The following CADM2 variants were observed in gnomAD, a reference collection of about 807,000 sequenced individuals.
CADM2 encodes cell adhesion molecule 2, also known as immunoglobulin superfamily member 4D.
CADM2 carries 12 observed loss-of-function variants against 49.8 expected under a neutral mutation model. The observed-to-expected ratio is 0.24, with a 90% CI of 0.15 to 0.39. The LOEUF (loss-of-function observed/expected upper bound fraction) is 0.39. CADM2 is among the 10% of genes least tolerant of loss of function. CADM2 has a pLI of 1.00. For missense variants in CADM2, 378 were observed against 492.3 expected (o/e 0.77, Z 2.20); for synonymous variants, 214 against 175.4 (o/e 1.22, Z -1.74).
chr3:85,787,420 A>G (rs1288686821), intron 2 of CADM2, among the ~76,000 whole-genome samples: 2 of 152,116 alleles, frequency 1.3e-5, no homozygotes, highest in African/African-American at 2.4e-5. Context: ...ACAATGATTC[A>G]TCTTCAAGGT....
At chr3:85,129,250 A>G (rs1208945331) in intron 1 of CADM2, among the ~76,000 whole-genome samples, 1 of 152,190 alleles carries the variant, frequency 6.6e-6, no homozygotes, top group East Asian at 1.9e-4. Context: ...GTAAAGCCAA[A>G]GTAAAAGAAA....
At chr3:86,014,277 G>T (rs1731930066) in intron 8 of CADM2, 8 of 1,329,374 alleles carry the variant, frequency 6.0e-6, no homozygotes, top group Non-Finnish European at 8.2e-6. Context: ...TGATTTCATT[G>T]TTACTATTGT....
chr3:85,621,833 T>A (rs2063986436), intron 1 of CADM2, among the ~76,000 whole-genome samples: 1 of 152,178 alleles, frequency 6.6e-6, no homozygotes, highest in Non-Finnish European at 1.5e-5. Flanking sequence ...GTTGTCAGAC[T>A]GATGTGCAGT....
chr3:85,479,947 AAC>A (rs2039141011), intron 1 of CADM2, among the ~76,000 whole-genome samples: 1 of 151,890 alleles, frequency 6.6e-6, no homozygotes, highest in African/African-American at 2.4e-5. Flanking sequence ...TTTACCACGT[AAC>A]TTTCTGGTGG....
At chr3:85,149,316 C>T (rs1192301761) in intron 1 of CADM2, among the ~76,000 whole-genome samples, 1 of 152,002 alleles carries the variant, frequency 6.6e-6, no homozygotes, top group Non-Finnish European at 1.5e-5. Flanking sequence ...CCCCTCAAAC[C>T]TTAGACTTCC....
intron 6 of CADM2, among the ~76,000 whole-genome samples, chr3:85,922,088 ATCT>A (rs1392606195): frequency 1.3e-5 from 2 of 151,180 alleles, no homozygotes; most frequent in South Asian, 2.1e-4. Context: ...ATTCATCATC[ATCT>A]TCTTCTTCCT....
At chr3:85,746,862 T>C (rs576131704) in intron 2 of CADM2, among the ~76,000 whole-genome samples, 1 of 152,268 alleles carries the variant, frequency 6.6e-6, no homozygotes, top group African/African-American at 2.4e-5. Flanking sequence ...CCATCATGTC[T>C]TTTCAAATCT....
At chr3:85,159,953 T>G (rs1446981204) in intron 1 of CADM2, among the ~76,000 whole-genome samples, 6 of 152,200 alleles carry the variant, frequency 3.9e-5, no homozygotes, top group Non-Finnish European at 8.8e-5. Flanking sequence ...GCTGTATAAT[T>G]TGAAATTTTT....
chr3:85,671,141 T>C (rs911173990), intron 1 of CADM2, among the ~76,000 whole-genome samples: 6 of 152,210 alleles, frequency 3.9e-5, no homozygotes, highest in African/African-American at 1.2e-4. Flanking sequence ...GTTTCTCCTA[T>C]AAAAGGAAGA....
intron 2 of CADM2, among the ~76,000 whole-genome samples, chr3:85,783,275 C>A (rs1460017494): frequency 6.6e-6 from 1 of 152,142 alleles, no homozygotes; most frequent in Non-Finnish European, 1.5e-5. Context: ...AATGAAGTAG[C>A]AAATGCACAA....
chr3:86,042,406 G>C (rs190067421), intron 8 of CADM2, among the ~76,000 whole-genome samples: 1 of 152,094 alleles, frequency 6.6e-6, no homozygotes, highest in East Asian at 1.9e-4. Context: ...TATCACTACC[G>C]ATCCCACAGA....
Position 85,359,655 on chromosome 3 carries a change from TATATA to T in CADM2, c.62-366866_62-366862del, listed in dbSNP as rs1356593631. Among the ~76,000 whole-genome samples, 38 of 18,232 alleles carry T rather than the reference TATATA, an allele frequency of 2.1e-3. 2 individuals are homozygous for T. The highest frequency in any genetic ancestry group is 0.018 in the Admixed American group (30 of 1,628). 12.0% of individuals were successfully genotyped at this position (18,232 alleles called of 152,430 possible). A position where few individuals can be genotyped will look rare whatever the true frequency, so the allele number is the denominator to read the frequency against. On this transcript the variant is annotated intron_variant, in intron 1 of 9. Transcript: ENST00000383699. ...ATGTCAGCATATATATATATATATA[TATATA>T]TATATATTTTTTTTTTTGGTGGAGG...
intron 1 of CADM2, among the ~76,000 whole-genome samples, chr3:85,261,013 A>G (rs2043003351): frequency 6.6e-6 from 1 of 152,130 alleles, no homozygotes; most frequent in African/African-American, 2.4e-5. Flanking sequence ...ATTTTTGATG[A>G]AGAAAAATAT....
chr3:85,070,595 C>T (rs756930268), intron 1 of CADM2, among the ~76,000 whole-genome samples: 7 of 151,756 alleles, frequency 4.6e-5, no homozygotes, highest in Admixed American at 1.3e-4. Context: ...AGCTATAAAA[C>T]GAAAGAAAGT....
chr3:85,172,432 TA>T (rs2040652771), intron 1 of CADM2, among the ~76,000 whole-genome samples: 1 of 152,222 alleles, frequency 6.6e-6, no homozygotes, highest in African/African-American at 2.4e-5. Context: ...AAAAGCATTA[TA>T]AAAATTATTA....
At chr3:85,376,737 A>G (rs2033612829) in intron 1 of CADM2, among the ~76,000 whole-genome samples, 1 of 152,046 alleles carries the variant, frequency 6.6e-6, no homozygotes, top group Non-Finnish European at 1.5e-5. Context: ...TCAAAATTAC[A>G]ACTCATGCTA....
chr3:85,321,158 T>C (rs59767269), intron 1 of CADM2, among the ~76,000 whole-genome samples: 3,979 of 63,426 alleles, frequency 0.063, 395 homozygotes, highest in African/African-American at 0.19. Flanking sequence ...TTTTTTTTTT[T>C]TTTTTTTTGC....
At chr3:85,553,326 G>C (rs888494659) in intron 1 of CADM2, among the ~76,000 whole-genome samples, 1 of 151,760 alleles carries the variant, frequency 6.6e-6, no homozygotes, top group African/African-American at 2.4e-5. Flanking sequence ...AAACAAAGAA[G>C]ATACTATTCT....
At chr3:85,488,068 A>C (rs1024095406) in intron 1 of CADM2, among the ~76,000 whole-genome samples, 4 of 152,196 alleles carry the variant, frequency 2.6e-5, no homozygotes, top group Non-Finnish European at 4.4e-5. Context: ...TTTGTACACA[A>C]GTAAGGATAT....
Sources: allele counts gnomAD v4.1 joint callset (sites outside exome capture counted in the v4.1 genomes callset), GRCh38; gene constraint gnomAD v4.1.1; transcripts MANE v1.5; gene names NCBI Gene and HGNC (gene_info 2026-07-23, HGNC 2026-07-21).